The following GBE1 variants were observed in gnomAD, a reference collection of about 807,000 sequenced individuals.
The protein encoded by GBE1 is 1,4-alpha-glucan branching enzyme 1.
Under a neutral mutation model 88.8 loss-of-function variants are expected in GBE1, and 70 were observed. That is an observed-to-expected ratio of 0.79 (90% CI 0.65 to 0.96). The LOEUF is 0.96. GBE1 is among the 40% of genes least tolerant of loss of function. The pLI, the probability that GBE1 is intolerant of heterozygous loss-of-function variation, is 0.00. For missense variants in GBE1, 872 were observed against 871.0 expected, an observed-to-expected ratio of 1.00 and a Z score of -0.01; for synonymous variants, 284 against 300.1, an observed-to-expected ratio of 0.95 and a Z score of 0.56.
intron 14 of GBE1, among the ~76,000 whole-genome samples, chr3:81,517,481 T>C (rs1702812067): frequency 6.6e-6 from 1 of 151,468 alleles, no homozygotes; most frequent in African/African-American, 2.4e-5. Context: ...GAACCCAATC[T>C]GCACTGTCTC....
At chr3:81,639,429 A>G (rs1474101656) in intron 7 of GBE1, among the ~76,000 whole-genome samples, 1 of 152,050 alleles carries the variant, frequency 6.6e-6, no homozygotes, top group Non-Finnish European at 1.5e-5. Context: ...ATATTTCCAC[A>G]TGAACAGGTA....
chr3:81,642,379 T>G (rs1274248201), intron 7 of GBE1, among the ~76,000 whole-genome samples: 1 of 152,106 alleles, frequency 6.6e-6, no homozygotes, highest in African/African-American at 2.4e-5. Context: ...ATCAAAACCA[T>G]GTAATTTTAA....
At chr3:81,686,797 CAT>C (rs1365259437) in intron 2 of GBE1, among the ~76,000 whole-genome samples, 1 of 152,022 alleles carries the variant, frequency 6.6e-6, no homozygotes, top group Non-Finnish European at 1.5e-5. Flanking sequence ...AACACTAAAA[CAT>C]ACGCAAACCA....
At chr3:81,750,551 G>GTATATATATGTATATATATATGTGTA in intron 1 of GBE1, among the ~76,000 whole-genome samples, 1 of 52,326 alleles carries the variant, frequency 1.9e-5, no homozygotes, top group African/African-American at 1.1e-4. Context: ...ATATATATAT[G>GTATATATATGTATATATATATGTGTA]TATATATATA....
At chr3:81,715,910 T>C (rs1705931003) in intron 1 of GBE1, among the ~76,000 whole-genome samples, 1 of 152,154 alleles carries the variant, frequency 6.6e-6, no homozygotes, top group African/African-American at 2.4e-5. Flanking sequence ...AAATCATTAG[T>C]CTCCAATTTC....
intron 7 of GBE1, among the ~76,000 whole-genome samples, chr3:81,619,723 T>A (rs1359719916): frequency 1.3e-5 from 2 of 152,108 alleles, no homozygotes; most frequent in South Asian, 2.1e-4. Context: ...GACACTCACA[T>A]TTAAAAATTC....
chr3:81,743,104 C>G (rs1023821164), intron 1 of GBE1, among the ~76,000 whole-genome samples: 3 of 152,080 alleles, frequency 2.0e-5, no homozygotes, highest in African/African-American at 7.2e-5. Flanking sequence ...ATATTCTTCT[C>G]TTCTTAAATT....
chr3:81,750,970 G>T lies in GBE1; in HGVS notation c.143+10405C>A, dbSNP rs2594555. Among the ~76,000 whole-genome samples the T allele has an allele frequency of 2.0e-4, 31 of 151,592 alleles. No individual in the cohort carries two copies. In the East Asian group the frequency reaches 5.8e-3, roughly 29 times the overall value. Reference sequence around the variant, plus strand: ...TGGGATTACAGGCGTCAGCCACTGCGCCTGGCAACATTCTTATATTTTCTA... The same window carrying T: ...TGGGATTACAGGCGTCAGCCACTGCTCCTGGCAACATTCTTATATTTTCTA... On this transcript the variant is annotated intron_variant, in intron 1 of 15. Transcript: ENST00000429644.
rs189286613 is a variant in GBE1, at chr3:81,686,923, T to C, written c.314-15970A>G. The stretch of plus-strand genomic sequence containing the variant: ...AGTATAAAATATATATAAAAGTATA[T>C]ACATACACTTTTTTAACTTACAATT... On this transcript the variant is annotated intron_variant, in intron 2 of 15. Coordinates refer to ENST00000429644, the MANE Select transcript of GBE1 (RefSeq NM_000158.4). Among the ~76,000 whole-genome samples the C allele has an allele frequency of 4.7e-3, 712 of 152,290 alleles. 15 individuals are homozygous for C. Among genetic ancestry groups the C allele is most frequent in the African/African-American group, 0.016 (673 of 41,556 alleles).
rs75636958 is a variant in GBE1 at position 81,579,357 on chromosome 3, T to G, written c.1447-1261A>C. On this transcript the variant is annotated intron_variant, in intron 11 of 15. Transcript: ENST00000429644. Reference sequence around the variant, plus strand: ...AGAAAGAACTAGGCAACTTGCATTATTTCTGCTATCCTGAGAATTCCTGAA... The same window carrying G: ...AGAAAGAACTAGGCAACTTGCATTAGTTCTGCTATCCTGAGAATTCCTGAA... Among the ~76,000 whole-genome samples, 1,119 of 152,248 alleles carry G rather than the reference T, an allele frequency of 7.3e-3. 13 individuals carry two copies. The highest frequency in any genetic ancestry group is 0.022 in the African/African-American group (927 of 41,572).
At chr3:81,722,419 T>G (rs916415005) in intron 1 of GBE1, among the ~76,000 whole-genome samples, 3 of 152,090 alleles carry the variant, frequency 2.0e-5, no homozygotes, top group Non-Finnish European at 2.9e-5. Flanking sequence ...TAATGATTTT[T>G]CTTTGCTTTT....
At chr3:81,575,033 C>T (rs1326040436) in intron 12 of GBE1, among the ~76,000 whole-genome samples, 2 of 151,750 alleles carry the variant, frequency 1.3e-5, no homozygotes, top group Non-Finnish European at 2.9e-5. Context: ...GGCGTGGTGG[C>T]GGGCACCTGT....
At chr3:81,509,296 T>G (rs1702693226) in intron 14 of GBE1, among the ~76,000 whole-genome samples, 1 of 88,738 alleles carries the variant, frequency 1.1e-5, no homozygotes, top group African/African-American at 3.4e-5. Flanking sequence ...GGGTTTGTCT[T>G]TTTTTTTTTT....
chr3:81,700,938 T>G (rs1262253906), intron 2 of GBE1, among the ~76,000 whole-genome samples: 1 of 152,158 alleles, frequency 6.6e-6, no homozygotes, highest in East Asian at 1.9e-4. Context: ...AACCCAATTA[T>G]TTTATATTGA....
rs551207152 is a variant in GBE1 at position 81,689,847 on chromosome 3, C to T, written c.313+15597G>A. Among the ~76,000 whole-genome samples, 6 of 152,260 alleles carry T rather than the reference C, an allele frequency of 3.9e-5. No homozygotes were observed. In the East Asian group the frequency reaches 5.8e-4, roughly 15 times the overall value. ...TTTGCAGTGGGGAGGAGCCCGGCCC[C>T]TCCTCTTCCTGGGTGGAACCAGGGA... On this transcript the variant is annotated intron_variant, in intron 2 of 15. Transcript: ENST00000429644.
chr3:81,682,198 C>A (rs1014015211), intron 2 of GBE1, among the ~76,000 whole-genome samples: 2 of 152,174 alleles, frequency 1.3e-5, no homozygotes, highest in Non-Finnish European at 1.5e-5. Flanking sequence ...TGTGGTGGCT[C>A]ACATCTATAA....
At chr3:81,753,774 T>C (rs1303260737) in intron 1 of GBE1, among the ~76,000 whole-genome samples, 2 of 152,218 alleles carry the variant, frequency 1.3e-5, no homozygotes, top group Non-Finnish European at 2.9e-5. Flanking sequence ...ATGAATCTAG[T>C]AGTGCAGAAG....
At chr3:81,604,000 A>G (rs1704067937) in intron 7 of GBE1, among the ~76,000 whole-genome samples, 1 of 152,102 alleles carries the variant, frequency 6.6e-6, no homozygotes, top group East Asian at 1.9e-4. Flanking sequence ...ACCAAATTCA[A>G]CCAGCACCGA....
intron 3 of GBE1, 172 bp from the exon 4 acceptor site, chr3:81,650,093 A>C: frequency 2.0e-6 from 1 of 492,382 alleles, no homozygotes; most frequent in Non-Finnish European, 3.6e-6. Flanking sequence ...TGGTTTTCTC[A>C]TCTGCTGTTA....
Sources: allele counts gnomAD v4.1 joint callset (sites outside exome capture counted in the v4.1 genomes callset), GRCh38; gene constraint gnomAD v4.1.1; transcripts MANE v1.5; gene names NCBI Gene and HGNC (gene_info 2026-07-23, HGNC 2026-07-21).